SMYD3: variants seen among roughly 807,000 people sequenced by gnomAD.
SMYD3 encodes histone-lysine N-methyltransferase SMYD3.
A neutral mutation model predicts 57.7 loss-of-function variants in SMYD3; 36 were observed. That is an observed-to-expected ratio of 0.62 (90% CI 0.48 to 0.82). The LOEUF is 0.82. Ranked by LOEUF, SMYD3 falls within the 40% of genes least tolerant of loss-of-function variation. The pLI is 0.00. For missense variants in SMYD3, 515 were observed against 538.8 expected, an observed-to-expected ratio of 0.96 and a Z score of 0.44; for synonymous variants, 211 against 195.0, an observed-to-expected ratio of 1.08 and a Z score of -0.68.
chr1:246,453,190 C>T (rs1207066850), intron 1 of SMYD3, among the ~76,000 whole-genome samples: 2 of 152,192 alleles, frequency 1.3e-5, no homozygotes, highest in Non-Finnish European at 2.9e-5. Flanking sequence ...TGCGCAAAGT[C>T]ACATAGCTAG....
chr1:246,403,445 A>G (rs888249116), intron 1 of SMYD3, among the ~76,000 whole-genome samples: 8 of 152,224 alleles, frequency 5.3e-5, no homozygotes, highest in Non-Finnish European at 1.0e-4. Context: ...AGATGGCATT[A>G]GTGATGGTTG....
At chr1:245,902,250 C>T (rs1025684952) in intron 8 of SMYD3, among the ~76,000 whole-genome samples, 1 of 152,218 alleles carries the variant, frequency 6.6e-6, no homozygotes, top group Non-Finnish European at 1.5e-5. Flanking sequence ...ACCAGGGAGG[C>T]TGCCCCCATG....
At chr1:246,074,682 T>C (rs1572982530) in intron 5 of SMYD3, among the ~76,000 whole-genome samples, 1 of 152,304 alleles carries the variant, frequency 6.6e-6, no homozygotes, top group East Asian at 1.9e-4. Flanking sequence ...AATCTGCAGC[T>C]TCTTAAAGAA....
intron 10 of SMYD3, among the ~76,000 whole-genome samples, chr1:245,834,435 G>A (rs2050003486): frequency 6.6e-6 from 1 of 152,152 alleles, no homozygotes; most frequent in South Asian, 2.1e-4. Context: ...CCTGCTCATT[G>A]GACCACTGTG....
chr1:245,776,345 TAAGA>T (rs953944416), intron 10 of SMYD3, among the ~76,000 whole-genome samples: 77 of 152,220 alleles, frequency 5.1e-4, no homozygotes, highest in African/African-American at 1.7e-3. Flanking sequence ...GTTACATCAG[TAAGA>T]AAGGAGCATT....
At chr1:246,055,185 CAA>C (rs58242739) in intron 5 of SMYD3, among the ~76,000 whole-genome samples, 2 of 142,398 alleles carry the variant, frequency 1.4e-5, no homozygotes, top group Admixed American at 7.1e-5. Context: ...CAGAAAAAAA[CAA>C]AAAAAAAAAC....
chr1:246,432,522 A>C (rs998885766), intron 1 of SMYD3, among the ~76,000 whole-genome samples: 5 of 152,236 alleles, frequency 3.3e-5, no homozygotes, highest in African/African-American at 1.2e-4. Flanking sequence ...CAGTGTCAAG[A>C]AACAGCAGGA....
intron 1 of SMYD3, among the ~76,000 whole-genome samples, chr1:246,456,491 T>C (rs1291586093): frequency 2.0e-5 from 3 of 152,204 alleles, no homozygotes; most frequent in Non-Finnish European, 2.9e-5. Flanking sequence ...AAATTTCCCA[T>C]GTAACATACC....
intron 5 of SMYD3, among the ~76,000 whole-genome samples, chr1:246,240,098 G>A (rs907589655): frequency 9.2e-5 from 14 of 152,072 alleles, no homozygotes; most frequent in Admixed American, 3.3e-4. Flanking sequence ...AGTTTAATTC[G>A]AACCCATTTG....
intron 1 of SMYD3, among the ~76,000 whole-genome samples, chr1:246,380,417 C>T (rs2066367732): frequency 6.6e-6 from 1 of 152,068 alleles, no homozygotes; most frequent in Admixed American, 6.6e-5. Context: ...ACATCTATTT[C>T]CCCCCAGAGA....
chr1:246,174,388 C>G (rs2062397488), intron 5 of SMYD3, among the ~76,000 whole-genome samples: 1 of 152,136 alleles, frequency 6.6e-6, no homozygotes, highest in South Asian at 2.1e-4. Context: ...ATTGTATACA[C>G]AGTCCATCCT....
intron 1 of SMYD3, among the ~76,000 whole-genome samples, chr1:246,466,227 C>T (rs1479008914): frequency 2.6e-5 from 4 of 152,228 alleles, no homozygotes; most frequent in African/African-American, 4.8e-5. Context: ...AACCTAAAGA[C>T]ACATGCACAT....
chr1:246,362,808 G>T (rs1164582385), intron 1 of SMYD3, among the ~76,000 whole-genome samples: 1 of 152,062 alleles, frequency 6.6e-6, no homozygotes, highest in Non-Finnish European at 1.5e-5. Flanking sequence ...ATCTCGGCTC[G>T]CTACAACCTC....
intron 3 of SMYD3, among the ~76,000 whole-genome samples, chr1:246,332,271 CAT>C (rs2065473927): frequency 6.6e-6 from 1 of 152,206 alleles, no homozygotes; most frequent in Admixed American, 6.5e-5. Context: ...CCCATGAACA[CAT>C]GAGTGATAAG....
chr1:246,089,128 C>T (rs2060777687), intron 5 of SMYD3, among the ~76,000 whole-genome samples: 1 of 152,068 alleles, frequency 6.6e-6, no homozygotes, highest in Non-Finnish European at 1.5e-5. Flanking sequence ...CAGGCATGCA[C>T]CACCATGCCC....
chr1:245,894,999 C>T (rs1449864977), intron 8 of SMYD3, among the ~76,000 whole-genome samples: 1 of 152,248 alleles, frequency 6.6e-6, no homozygotes, highest in African/African-American at 2.4e-5. Context: ...AGAAGTGCCA[C>T]ATCCTGTGAT....
intron 10 of SMYD3, among the ~76,000 whole-genome samples, chr1:245,840,070 GAGA>G (rs1174365863): frequency 2.6e-5 from 4 of 152,066 alleles, no homozygotes; most frequent in South Asian, 2.1e-4. Flanking sequence ...ACTAGAAAAA[GAGA>G]AGTTTAACAT....
intron 8 of SMYD3, among the ~76,000 whole-genome samples, chr1:245,904,682 C>G (rs1252794725): frequency 6.6e-6 from 1 of 152,078 alleles, no homozygotes; most frequent in South Asian, 2.1e-4. Flanking sequence ...GACTGCAACT[C>G]GTAGGCAAGT....
chr1:245,960,059 G>A (rs2057960115), intron 5 of SMYD3, among the ~76,000 whole-genome samples: 2 of 152,174 alleles, frequency 1.3e-5, no homozygotes, highest in South Asian at 2.1e-4. Flanking sequence ...GATTACAGGT[G>A]TGAGCCACAT....
Sources: allele counts gnomAD v4.1 joint callset (sites outside exome capture counted in the v4.1 genomes callset), GRCh38; gene constraint gnomAD v4.1.1; transcripts MANE v1.5; gene names NCBI Gene and HGNC (gene_info 2026-07-23, HGNC 2026-07-21).